The following PARD3B variants were observed in gnomAD, a reference collection of about 807,000 sequenced individuals.
PARD3B encodes the protein par-3 family cell polarity regulator beta.
In PARD3B, 103 loss-of-function variants were observed where a neutral mutation model predicts 130.2. The observed-to-expected ratio is 0.79, with a 90% CI of 0.67 to 0.93. The LOEUF (loss-of-function observed/expected upper bound fraction) is 0.93, where lower values mean the gene tolerates loss of function less well. PARD3B is among the 40% of genes least tolerant of loss of function. The probability of loss-of-function intolerance (pLI) is 0.00; values close to 1 mark genes in which losing one functional copy is unlikely to be tolerated. For missense variants in PARD3B, 1,609 were observed against 1,499.2 expected (o/e 1.07, Z -1.21); for synonymous variants, 583 against 553.2 (o/e 1.05, Z -0.76).
rs537049497 is a variant in PARD3B at position 205,109,465 on chromosome 2, GA to G, written c.594-4019del. Among the ~76,000 whole-genome samples, 51 of 151,986 alleles carry G rather than the reference GA, an allele frequency of 3.4e-4. No individual in the cohort carries two copies. The South Asian group carries it at 0.01, about 31-fold the overall frequency. ...GAAAGTCTTACTGAGGAAATCAATA[GA>G]AAAAAATGGATTATTCTCTTTTAGC... On this transcript the variant is annotated intron_variant, in intron 5 of 22. Transcript: ENST00000406610.
In PARD3B at chr2:204,730,051, G is replaced by A. The variant is rs371268229; in HGVS notation, c.222+43769G>A. The stretch of plus-strand genomic sequence containing the variant: ...CACACACACAGTGACTATTCCTTGG[G>A]TTTTGCATAGTTAATTTCTTTCTTT... On this transcript the variant is annotated intron_variant, in intron 2 of 22. Transcript: ENST00000406610. Among the ~76,000 whole-genome samples, 81 of 148,400 alleles carry A rather than the reference G, an allele frequency of 5.5e-4. 1 individual carries two copies. Among genetic ancestry groups the A allele is most frequent in the African/African-American group, 2.0e-3 (80 of 40,304 alleles).
At chr2:204,853,720 T>G (rs1462774684) in intron 2 of PARD3B, among the ~76,000 whole-genome samples, 2 of 152,248 alleles carry the variant, frequency 1.3e-5, no homozygotes, top group African/African-American at 4.8e-5. Flanking sequence ...TTTGTATGCA[T>G]TTAGCATGTT....
intron 2 of PARD3B, among the ~76,000 whole-genome samples, chr2:204,900,569 A>G (rs1249875317): frequency 6.6e-6 from 1 of 152,212 alleles, no homozygotes; most frequent in African/African-American, 2.4e-5. Flanking sequence ...CTATTTTGAT[A>G]TCTGTCTGAA....
intron 2 of PARD3B, among the ~76,000 whole-genome samples, chr2:204,863,143 C>T (rs1186166935): frequency 1.3e-5 from 2 of 152,196 alleles, no homozygotes; most frequent in Admixed American, 1.3e-4. Flanking sequence ...TGGCTGTCTC[C>T]TGTCTCTATC....
At chr2:205,315,676 C>T (rs1175505837) in intron 18 of PARD3B, among the ~76,000 whole-genome samples, 2 of 152,008 alleles carry the variant, frequency 1.3e-5, no homozygotes, top group African/African-American at 2.4e-5. Context: ...TTTGTTTTAG[C>T]GTTTCTCTCT....
intron 4 of PARD3B, among the ~76,000 whole-genome samples, chr2:205,077,769 A>G (rs1325078104): frequency 6.6e-6 from 1 of 152,158 alleles, no homozygotes; most frequent in Non-Finnish European, 1.5e-5. Flanking sequence ...TATAGAACAC[A>G]TGAGCATTAA....
At chr2:205,001,383 T>A (rs115059941) in intron 3 of PARD3B, among the ~76,000 whole-genome samples, 12,882 of 152,322 alleles carry the variant, frequency 0.085, 623 homozygotes, top group Non-Finnish European at 0.099. Flanking sequence ...TTACTAATTA[T>A]TCATCATTTG....
intron 2 of PARD3B, among the ~76,000 whole-genome samples, chr2:204,708,359 G>A (rs2038280655): frequency 6.6e-6 from 1 of 152,018 alleles, no homozygotes; most frequent in African/African-American, 2.4e-5. Flanking sequence ...GATTATGGAA[G>A]AATTAAATAT....
chr2:205,194,546 G>T (rs2036564871), intron 15 of PARD3B, among the ~76,000 whole-genome samples: 1 of 152,100 alleles, frequency 6.6e-6, no homozygotes, highest in South Asian at 2.1e-4. Context: ...AACATTTCCT[G>T]TTCTGTCTTC....
chr2:205,541,832 T>A lies in PARD3B; in HGVS notation c.3181-11492T>A, dbSNP rs2052153277. On this transcript the variant is annotated intron_variant, in intron 21 of 22. Transcript: ENST00000406610. Reference sequence around the variant, plus strand: ...ACCAAAACTGAAGAAACAGATATCCTGCCATAGGCAAAAAAGCACATGTTT... The same window carrying A: ...ACCAAAACTGAAGAAACAGATATCCAGCCATAGGCAAAAAAGCACATGTTT... 2.0e-5 allele frequency among the ~76,000 whole-genome samples: 3 copies of A among 151,942 alleles called. No individual in the cohort carries two copies. The South Asian group carries it at 6.2e-4, about 32-fold the overall frequency.
intron 4 of PARD3B, among the ~76,000 whole-genome samples, chr2:205,101,407 A>T (rs980462496): frequency 6.6e-6 from 1 of 152,228 alleles, no homozygotes; most frequent in Non-Finnish European, 1.5e-5. Flanking sequence ...GTCTATGGAG[A>T]TATTAAAACC....
At chr2:205,400,866 T>G in intron 18 of PARD3B, 147 bp from the exon 19 acceptor site, 1 of 587,422 alleles carries the variant, frequency 1.7e-6, no homozygotes, top group East Asian at 2.8e-5. Context: ...TTTCATTATC[T>G]TATTTTAGTT....
intron 10 of PARD3B, among the ~76,000 whole-genome samples, chr2:205,138,913 C>T (rs1471944008): frequency 6.6e-6 from 1 of 152,200 alleles, no homozygotes; most frequent in Non-Finnish European, 1.5e-5. Flanking sequence ...GTAGTAGGCA[C>T]AGATGGAGCC....
intron 2 of PARD3B, among the ~76,000 whole-genome samples, chr2:204,760,120 A>G (rs1039243432): frequency 6.6e-6 from 1 of 152,066 alleles, no homozygotes; most frequent in African/African-American, 2.4e-5. Flanking sequence ...ATGTTTTTTA[A>G]TTAGTTTAAG....
chr2:205,173,946 T>C (rs1023555913), intron 12 of PARD3B, among the ~76,000 whole-genome samples: 1 of 152,144 alleles, frequency 6.6e-6, no homozygotes, highest in Non-Finnish European at 1.5e-5. Flanking sequence ...CATCTGCATA[T>C]CAGATCTCCC....
intron 2 of PARD3B, among the ~76,000 whole-genome samples, chr2:204,928,449 A>T (rs74472473): frequency 0.12 from 17,575 of 152,218 alleles, 1,328 homozygotes; most frequent in Non-Finnish European, 0.17. Context: ...GACTACAAGG[A>T]CGATAATTGG....
At position 205,361,813 on chromosome 2, in the gene PARD3B, C is replaced by A. The variant is rs79660438; in HGVS notation, c.2631-39200C>A. On this transcript the variant is annotated intron_variant, in intron 18 of 22. Coordinates refer to ENST00000406610, the MANE Select transcript of PARD3B (RefSeq NM_001302769.2). ...GTTTTACTCTCCTCTTTAAAGTCCT[C>A]TCTGGCCAACAAGCTCCTCCCAAAC... Among the ~76,000 whole-genome samples the A allele has an allele frequency of 5.2e-3, 770 of 149,430 alleles. 2 individuals are homozygous for A. The highest frequency in any genetic ancestry group is 0.018 in the African/African-American group (743 of 41,300).
intron 2 of PARD3B, among the ~76,000 whole-genome samples, chr2:204,880,194 T>C (rs2125667065): frequency 6.6e-6 from 1 of 152,264 alleles, no homozygotes; most frequent in Middle Eastern, 3.4e-3. Flanking sequence ...CTCTTAGTTG[T>C]TTGTGATTTA....
intron 2 of PARD3B, among the ~76,000 whole-genome samples, chr2:204,841,172 T>C (rs1293565315): frequency 6.6e-6 from 1 of 152,106 alleles, no homozygotes; most frequent in Admixed American, 6.6e-5. Context: ...TCTTATCTGT[T>C]TGTACTTGGT....
Sources: gnomAD v4.1 joint callset for allele counts (sites outside exome capture counted in the v4.1 genomes callset) on GRCh38, gnomAD v4.1.1 for gene constraint, MANE v1.5 for transcripts, NCBI Gene and HGNC (gene_info 2026-07-23, HGNC 2026-07-21) for gene names.